PC: variants seen among roughly 807,000 people sequenced by gnomAD.
The protein encoded by PC is pyruvate carboxylase, mitochondrial.
PC carries 46 observed loss-of-function variants against 107.8 expected under a neutral mutation model. The ratio of observed to expected loss-of-function variants is 0.43; its 90% CI spans 0.34 to 0.55. The LOEUF is 0.55. Among genes scored for constraint, PC ranks in the 20% least tolerant of loss-of-function variants. The probability of loss-of-function intolerance (pLI) is 0.04; values close to 1 mark genes in which losing one functional copy is unlikely to be tolerated. For missense variants in PC, 1,241 were observed against 1,643.1 expected (o/e 0.76, Z 4.23); for synonymous variants, 662 against 684.7 (o/e 0.97, Z 0.52).
At chr11:66,911,680 T>C (rs1410008824) in intron 3 of PC, among the ~76,000 whole-genome samples, 1 of 152,122 alleles carries the variant, frequency 6.6e-6, no homozygotes, top group East Asian at 1.9e-4. Flanking sequence ...TAAAGTTAAA[T>C]TAATAGAAAG....
intron 3 of PC, among the ~76,000 whole-genome samples, chr11:66,930,686 G>A (rs558033206): frequency 2.7e-5 from 4 of 147,650 alleles, no homozygotes; most frequent in Non-Finnish European, 5.9e-5. Flanking sequence ...AGGTTGTAGT[G>A]AGCCAAGATC....
Position 66,850,694 on chromosome 11 carries a change from C to G in PC, c.2453G>C (p.Arg818Thr), listed in dbSNP as rs754573615. Residue 818 changes from arginine (R) to threonine (T), a missense_variant, in exon 18 of 23, where the codon AGA (arginine) becomes ACA (threonine). Arg to Thr is a moderately conservative substitution (Grantham distance 71). Coordinates refer to ENST00000393960, the MANE Select transcript of PC (RefSeq NM_001040716.2). ...CCTACCTGTGTCCAGGGGAGTCCCT[C>G]TGGTACAGGCCACCAGGGCCCCCAT... is the stretch of plus-strand genomic sequence containing the variant. Reference protein sequence around the residue: ...PSMGALVACTRGTPLDTEVPM... With the variant: ...PSMGALVACTTGTPLDTEVPM... 7 of 1,610,376 alleles carry G rather than the reference C, an allele frequency of 4.3e-6. No individual in the cohort carries two copies. In the East Asian group the frequency reaches 1.6e-4, roughly 36 times the overall value.
At chr11:66,957,806 A>C (rs1416490803) in intron 1 of PC, 1 of 152,276 alleles carries the variant, frequency 6.6e-6, no homozygotes, top group Non-Finnish European at 1.5e-5. Context: ...GTCTGAAACA[A>C]AGTAGAGGAT....
chr11:66,950,727 A>G (rs1012656938), intron 3 of PC, among the ~76,000 whole-genome samples: 8 of 152,174 alleles, frequency 5.3e-5, no homozygotes, highest in African/African-American at 1.9e-4. Context: ...GACATCAATA[A>G]AATATGGCAA....
At chr11:66,927,770 T>C (rs1287346671) in intron 3 of PC, among the ~76,000 whole-genome samples, 1 of 151,464 alleles carries the variant, frequency 6.6e-6, no homozygotes, top group Admixed American at 6.6e-5. Context: ...CTTTGGGTTC[T>C]GCTTTCCCCA....
intron 3 of PC, among the ~76,000 whole-genome samples, chr11:66,900,945 C>T (rs1284906675): frequency 6.6e-6 from 1 of 152,182 alleles, no homozygotes; most frequent in Admixed American, 6.5e-5. Context: ...ACTTTTACCT[C>T]TTCCTTTCCA....
intron 3 of PC, among the ~76,000 whole-genome samples, chr11:66,910,422 T>C (rs1006481702): frequency 2.6e-5 from 4 of 152,212 alleles, no homozygotes. Context: ...TAGCCACACA[T>C]ACATTGATGT....
Position 66,859,167 on chromosome 11 carries a change from G to C in PC, c.1368+4607C>G, listed in dbSNP as rs544814546. ...CGCCCTCTGCTCCCCACAAGGCTTT[G>C]CTTCCACCCCTCCTCTCTCTGGGGC... is the stretch of plus-strand genomic sequence containing the variant. On this transcript the variant is annotated intron_variant, in intron 12 of 22. Coordinates refer to ENST00000393960, the MANE Select transcript of PC (RefSeq NM_001040716.2). The C allele has an allele frequency of 2.1e-6, 3 of 1,436,302 alleles. No homozygotes were observed. In the South Asian group the frequency reaches 4.7e-5, roughly 23 times the overall value. The allele number at this position is 1,436,302 out of a possible 1,614,324, so 89.0% of individuals were successfully genotyped here.
chr11:66,900,184 T>TC, intron 3 of PC, among the ~76,000 whole-genome samples: 1 of 146,346 alleles, frequency 6.8e-6, no homozygotes, highest in Non-Finnish European at 1.5e-5. Context: ...CGTTGTTTTT[T>TC]TTTTTTTTTT....
chr11:66,946,092 CAAA>C (rs757767116), intron 3 of PC, among the ~76,000 whole-genome samples: 15 of 66,084 alleles, frequency 2.3e-4, no homozygotes, highest in African/African-American at 6.9e-4. Context: ...GACTCCGTCT[CAAA>C]AAAAAAAAAA....
At position 66,872,172 on chromosome 11, in the gene PC, G is replaced by A; in HGVS notation, c.1-13C>T. 1 of 1,576,172 alleles carries A rather than the reference G, an allele frequency of 6.3e-7. No homozygotes were observed. Among genetic ancestry groups the A allele is most frequent in the Non-Finnish European group, 8.6e-7 (1 of 1,161,930 alleles). On this transcript the variant is annotated splice_polypyrimidine_tract_variant and intron_variant, in intron 3 of 22. Coordinates refer to ENST00000393960, the MANE Select transcript of PC (RefSeq NM_001040716.2). ...GGAACTTCAGCATCTAGGGAGGGAA[G>A]TTAGAGCCCAGGTTAGCGCAGCCTC...
At chr11:66,908,704 C>A (rs897744700) in intron 3 of PC, among the ~76,000 whole-genome samples, 7 of 152,156 alleles carry the variant, frequency 4.6e-5, no homozygotes, top group African/African-American at 1.7e-4. Flanking sequence ...TCGGCGCGCT[C>A]ACTGTGTGAC....
intron 3 of PC, among the ~76,000 whole-genome samples, chr11:66,923,480 A>T (rs1375135771): frequency 6.6e-6 from 1 of 151,938 alleles, no homozygotes; most frequent in African/African-American, 2.4e-5. Context: ...CTTACAAGAC[A>T]GCTATGGAAT....
At chr11:66,927,341 T>C (rs1412430335) in intron 3 of PC, among the ~76,000 whole-genome samples, 3 of 150,656 alleles carry the variant, frequency 2.0e-5, no homozygotes, top group African/African-American at 4.9e-5. Context: ...CCCGTACTCC[T>C]CTGGTTTTCA....
chr11:66,859,855 G>C (rs781702331), intron 12 of PC: 2 of 1,564,450 alleles, frequency 1.3e-6, no homozygotes, highest in Admixed American at 1.8e-5. Flanking sequence ...GTGGCCGTGG[G>C]GGGTGTGCTG....
chr11:66,909,219 T>C (rs1033644244), intron 3 of PC, among the ~76,000 whole-genome samples: 1 of 152,206 alleles, frequency 6.6e-6, no homozygotes, highest in Non-Finnish European at 1.5e-5. Context: ...CGTACTCGCC[T>C]TGAGATTTGC....
intron 3 of PC, among the ~76,000 whole-genome samples, chr11:66,877,525 T>C (rs1338266012): frequency 6.6e-6 from 1 of 152,112 alleles, no homozygotes; most frequent in Non-Finnish European, 1.5e-5. Context: ...CCATCTCTAC[T>C]AAAAAATACA....
In PC at chr11:66,851,773, C is replaced by T. The variant is rs866676040; in HGVS notation, c.1982+17G>A. 12 of 1,613,758 alleles carry T rather than the reference C, an allele frequency of 7.4e-6. No individual in the cohort carries two copies. The highest frequency in any genetic ancestry group is 3.3e-4 in the Middle Eastern group (2 of 6,060). On this transcript the variant is annotated intron_variant, in intron 16 of 22. Transcript: ENST00000393960. ...GGCCACACCAGGTAGCGTCTGCCCACCCCACCCCAGGCTCACTTGAAGACC... is the reference window on the plus strand; with the variant it reads ...GGCCACACCAGGTAGCGTCTGCCCATCCCACCCCAGGCTCACTTGAAGACC...
intron 3 of PC, among the ~76,000 whole-genome samples, chr11:66,900,178 GTTTT>G (rs71045968): frequency 2.8e-5 from 3 of 107,434 alleles, no homozygotes; most frequent in African/African-American, 3.7e-5. Context: ...CTCCAACGTT[GTTTT>G]TTTTTTTTTT....
Sources: gnomAD v4.1 joint callset for allele counts (sites outside exome capture counted in the v4.1 genomes callset) on GRCh38, gnomAD v4.1.1 for gene constraint, MANE v1.5 for transcripts, NCBI Gene and HGNC (gene_info 2026-07-23, HGNC 2026-07-21) for gene names.